The following CHCHD6 variants were observed in gnomAD, a reference collection of about 807,000 sequenced individuals.
CHCHD6 encodes the protein MICOS complex subunit MIC25.
CHCHD6 carries 28 observed loss-of-function variants against 32.3 expected under a neutral mutation model. That is an observed-to-expected ratio of 0.87 (90% confidence interval 0.64 to 1.19). CHCHD6 has a LOEUF of 1.19. Among genes scored for constraint, CHCHD6 ranks in the 50% most tolerant of loss-of-function variants. CHCHD6 has a pLI of 0.00. For missense variants in CHCHD6, 333 were observed against 307.0 expected, an observed-to-expected ratio of 1.08 and a Z score of -0.63; for synonymous variants, 122 against 117.5, an observed-to-expected ratio of 1.04 and a Z score of -0.25.
At chr3:126,837,824 A>C (rs531752689) in intron 4 of CHCHD6, among the ~76,000 whole-genome samples, 1 of 152,234 alleles carries the variant, frequency 6.6e-6, no homozygotes, top group Admixed American at 6.5e-5. Context: ...ATTGGATAAA[A>C]TGTGTCAGAC....
At chr3:126,878,026 C>T (rs1559898755) in intron 5 of CHCHD6, among the ~76,000 whole-genome samples, 1 of 152,136 alleles carries the variant, frequency 6.6e-6, no homozygotes, top group Non-Finnish European at 1.5e-5. Flanking sequence ...TGATTACAAG[C>T]TGTTTTATTT....
chr3:126,816,306 G>T (rs961102731), intron 4 of CHCHD6, among the ~76,000 whole-genome samples: 3 of 152,224 alleles, frequency 2.0e-5, no homozygotes, highest in Non-Finnish European at 4.4e-5. Context: ...TCTCGTTGGC[G>T]TTGTCATATT....
At chr3:126,805,704 T>A (rs542593814) in intron 4 of CHCHD6, among the ~76,000 whole-genome samples, 1 of 152,296 alleles carries the variant, frequency 6.6e-6, no homozygotes, top group East Asian at 1.9e-4. Context: ...AAAACTACTT[T>A]AAAGTTCATA....
At chr3:126,948,246 C>T (rs1201088919) in intron 6 of CHCHD6, among the ~76,000 whole-genome samples, 1 of 152,248 alleles carries the variant, frequency 6.6e-6, no homozygotes, top group South Asian at 2.1e-4. Flanking sequence ...TATCCTCTCA[C>T]AGTTCTGGAG....
chr3:126,706,223 C>T (rs1370125361), intron 1 of CHCHD6, among the ~76,000 whole-genome samples: 1 of 152,110 alleles, frequency 6.6e-6, no homozygotes, highest in Non-Finnish European at 1.5e-5. Flanking sequence ...TTGGAAACCT[C>T]ATGTTTTTTG....
chr3:126,825,647 T>C lies in CHCHD6; in HGVS notation c.412-27000T>C, dbSNP rs117884935. Among the ~76,000 whole-genome samples the C allele has an allele frequency of 5.5e-3, 835 of 152,324 alleles. 28 individuals carry two copies. In the East Asian group the frequency reaches 0.08, roughly 15 times the overall value. On this transcript the variant is annotated intron_variant, in intron 4 of 7. Transcript: ENST00000290913. ...ATGATTCTTTTGTCTTTGTAAAATA[T>C]CTTTCTTTATCTCTAGTGATACTTC...
At chr3:126,731,891 C>T (rs1935817471) in intron 3 of CHCHD6, among the ~76,000 whole-genome samples, 1 of 151,988 alleles carries the variant, frequency 6.6e-6, no homozygotes, top group African/African-American at 2.4e-5. Context: ...GTCTGGGCAA[C>T]ATAGTGAGAC....
At chr3:126,739,704 G>T (rs1177384994) in intron 4 of CHCHD6, among the ~76,000 whole-genome samples, 1 of 152,084 alleles carries the variant, frequency 6.6e-6, no homozygotes, top group African/African-American at 2.4e-5. Flanking sequence ...TTTAATTCCT[G>T]GTTCTTTTTT....
intron 5 of CHCHD6, among the ~76,000 whole-genome samples, chr3:126,887,041 T>C (rs1287303098): frequency 1.3e-5 from 2 of 152,228 alleles, no homozygotes; most frequent in Non-Finnish European, 2.9e-5. Flanking sequence ...ATAGCAAAGT[T>C]TGATAAATGT....
At chr3:126,843,252 C>A (rs1941172571) in intron 4 of CHCHD6, among the ~76,000 whole-genome samples, 1 of 152,036 alleles carries the variant, frequency 6.6e-6, no homozygotes, top group Non-Finnish European at 1.5e-5. Context: ...CTGGCGTAAA[C>A]CCTAGTTGGT....
chr3:126,947,606 C>A (rs73209656), intron 6 of CHCHD6, among the ~76,000 whole-genome samples: 2,038 of 152,286 alleles, frequency 0.013, 19 homozygotes, highest in African/African-American at 0.024. Context: ...TTACCAACCC[C>A]GTCTGCAGAA....
intron 1 of CHCHD6, among the ~76,000 whole-genome samples, chr3:126,718,696 C>T (rs1935138144): frequency 6.6e-6 from 1 of 152,164 alleles, no homozygotes; most frequent in South Asian, 2.1e-4. Flanking sequence ...CTATATTAGC[C>T]CTCTGTCCAT....
chr3:126,890,820 C>A (rs1014210423), intron 5 of CHCHD6, among the ~76,000 whole-genome samples: 17 of 152,136 alleles, frequency 1.1e-4, no homozygotes, highest in African/African-American at 4.1e-4. Context: ...GTCCCTAGTC[C>A]ACCTCAGGAC....
chr3:126,717,057 G>C (rs1163167906), intron 1 of CHCHD6, among the ~76,000 whole-genome samples: 1 of 152,186 alleles, frequency 6.6e-6, no homozygotes, highest in East Asian at 1.9e-4. Flanking sequence ...AAGCAGAGCA[G>C]CACAGCAGTT....
At chr3:126,727,226 A>C in intron 2 of CHCHD6, 40 bp downstream of exon 2, 1 of 1,426,914 alleles carries the variant, frequency 7.0e-7, no homozygotes, top group South Asian at 1.2e-5. Context: ...GTGGAGAGAC[A>C]GTGAAAGGAG....
intron 5 of CHCHD6, among the ~76,000 whole-genome samples, chr3:126,909,931 G>A (rs1046124823): frequency 1.3e-5 from 2 of 152,210 alleles, no homozygotes; most frequent in African/African-American, 2.4e-5. Flanking sequence ...TGACGGCCTA[G>A]CCGGGGAGAG....
chr3:126,913,043 T>A (rs966240636), intron 5 of CHCHD6, among the ~76,000 whole-genome samples: 1 of 152,070 alleles, frequency 6.6e-6, no homozygotes, highest in Admixed American at 6.5e-5. Flanking sequence ...AGAGCCAAGT[T>A]GAAGTCCTAC....
chr3:126,767,069 T>C (rs1009913954), intron 4 of CHCHD6: 4 of 1,055,170 alleles, frequency 3.8e-6, no homozygotes, highest in Admixed American at 3.4e-5. Context: ...CAGTCTGTAG[T>C]TGTACTCTGT....
intron 6 of CHCHD6, among the ~76,000 whole-genome samples, chr3:126,934,432 G>T (rs1167131680): frequency 6.6e-6 from 1 of 151,504 alleles, no homozygotes; most frequent in Non-Finnish European, 1.5e-5. Context: ...CTGACAGACA[G>T]TGCTGCAGTG....
Sources: gnomAD v4.1 joint callset for allele counts (sites outside exome capture counted in the v4.1 genomes callset) on GRCh38, gnomAD v4.1.1 for gene constraint, MANE v1.5 for transcripts, NCBI Gene and HGNC (gene_info 2026-07-23, HGNC 2026-07-21) for gene names.